Variants in SEMA3F observed in about 807,000 individuals in gnomAD.
SEMA3F encodes semaphorin-3F.
Under a neutral mutation model 98.5 loss-of-function variants are expected in SEMA3F, and 30 were observed. That is an observed-to-expected ratio of 0.30 (90% CI 0.23 to 0.41). The LOEUF (loss-of-function observed/expected upper bound fraction) is 0.41, where lower values mean the gene tolerates loss of function less well. Among genes scored for constraint, SEMA3F ranks in the 10% least tolerant of loss-of-function variants. The pLI, the probability that SEMA3F is intolerant of heterozygous loss-of-function variation, is 1.00. For synonymous variants in SEMA3F, 380 were observed against 444.8 expected (o/e 0.85, Z 1.83); for missense variants, 866 against 1,119.3 (o/e 0.77, Z 3.23).
chr3:50,179,601 G>C (rs1404245206), intron 7 of SEMA3F, among the ~76,000 whole-genome samples: 3 of 152,222 alleles, frequency 2.0e-5, no homozygotes, highest in Non-Finnish European at 4.4e-5. Flanking sequence ...GCTGGGATAA[G>C]AGGTGTAAGC....
chr3:50,183,066 A>G (rs896468042), intron 10 of SEMA3F, 48 bp downstream of exon 10: 1 of 1,585,926 alleles, frequency 6.3e-7, no homozygotes, highest in Non-Finnish European at 8.7e-7. Context: ...AGCAAGAGGG[A>G]TAGAGGCGGG....
At chr3:50,159,108 TC>T (rs1698105991) in intron 1 of SEMA3F, 1 of 153,396 alleles carries the variant, frequency 6.5e-6, no homozygotes. Context: ...ACCGTAATAA[TC>T]AGGTCCAGGT....
chr3:50,171,467 C>T (rs572258968), intron 2 of SEMA3F, among the ~76,000 whole-genome samples: 4 of 152,218 alleles, frequency 2.6e-5, no homozygotes, highest in South Asian at 4.1e-4. Context: ...CCGGAGTGCC[C>T]GTGTCTGAAG....
At chr3:50,177,092 C>A (rs906148632) in intron 7 of SEMA3F, among the ~76,000 whole-genome samples, 4 of 152,184 alleles carry the variant, frequency 2.6e-5, no homozygotes, top group African/African-American at 9.7e-5. Flanking sequence ...GATGGGGGAC[C>A]AAGGAAGCCA....
In SEMA3F at chr3:50,183,226, T is replaced by C; in HGVS notation, c.1059T>C (p.Pro353=). ...AGCAGACCCAGGACGTGAGGAACCC[T>C]GTCATTTACGCTGTCTTTACCTCCT... ...FVQQTQDVRN[P]VIYAVFTSSG... Residue 353 remains proline, a synonymous_variant, in exon 11 of 19, where the codon CCT becomes CCC. Transcript: ENST00000002829. The C allele has an allele frequency of 2.5e-6, 4 of 1,614,162 alleles. No individual in the cohort carries two copies. The highest frequency in any genetic ancestry group is 3.4e-6 in the Non-Finnish European group (4 of 1,180,030).
In SEMA3F at chr3:50,183,029, A is replaced by AGCAG. The variant is rs2109113972; in HGVS notation, c.1018+21_1018+24dup. 2 of 1,609,356 alleles carry AGCAG rather than the reference A, an allele frequency of 1.2e-6. No homozygotes were observed. Among genetic ancestry groups the AGCAG allele is most frequent in the African/African-American group, 2.7e-5 (2 of 74,996 alleles). ...ACTTTGATGAGCTCCGTGAGTGCCCAGCAGGCAGGCAGGGTGCTCTGGCTA... is the reference window on the plus strand; with the variant it reads ...ACTTTGATGAGCTCCGTGAGTGCCCAGCAGGCAGGCAGGCAGGGTGCTCTGGCTA... On this transcript the variant is annotated intron_variant, in intron 10 of 18. Coordinates refer to ENST00000002829, the MANE Select transcript of SEMA3F (RefSeq NM_004186.5).
At position 50,182,650 on chromosome 3, in the gene SEMA3F, C is replaced by T. The variant is rs776838630; in HGVS notation, c.770C>T (p.Ser257Leu). ...QYNSRWLNDP[S>L]FIHAELIPDS... ...TGACCCCTGCCACCTGCAGACCCGT[C>T]GTTCATCCATGCTGAGCTCATTCCT... Residue 257 changes from serine (S) to leucine (L), a missense_variant, in exon 9 of 19, where the codon TCG (serine) becomes TTG (leucine). This residue lies in a region of SEMA3F where 374 missense variants were observed against 582.8 expected (regional missense o/e 0.64). Transcript: ENST00000002829. This position sits in a 1 kb window ranked among gnomAD's most constrained non-coding sequence, Gnocchi z 4.5. The T allele has an allele frequency of 1.9e-6, 3 of 1,611,578 alleles. No individual in the cohort carries two copies. Among genetic ancestry groups the T allele is most frequent in the African/African-American group, 1.3e-5 (1 of 74,904 alleles).
rs776928052 is a variant in SEMA3F, at chr3:50,186,012, C to G, written c.1711C>G (p.Gln571Glu). 3.7e-6 allele frequency: 6 copies of G among 1,613,704 alleles called. No individual in the cohort carries two copies. The highest frequency in any genetic ancestry group is 5.1e-6 in the Non-Finnish European group (6 of 1,179,842). ...GGACCCTTACTGTGCCTGGGATGGC[C>G]AGGCCTGCTCCCGCTATACAGCATC... The part of the protein sequence containing the change: ...ARDPYCAWDG[Q>E]ACSRYTASSK... The change falls in exon 16 of 19, where the codon CAG becomes GAG. Residue 571 changes from glutamine (Q) to glutamate (E), a missense_variant. Physicochemically the swap from Gln to Glu is conservative, Grantham distance 29 (BLOSUM62 2). Transcript: ENST00000002829.
At chr3:50,171,503 C>T (rs937377857) in intron 2 of SEMA3F, among the ~76,000 whole-genome samples, 1 of 152,068 alleles carries the variant, frequency 6.6e-6, no homozygotes, top group Non-Finnish European at 1.5e-5. Context: ...TCTAGCCCCT[C>T]CCCCTGCCAT....
At chr3:50,171,314 A>T (rs994336942) in intron 2 of SEMA3F, among the ~76,000 whole-genome samples, 1 of 152,110 alleles carries the variant, frequency 6.6e-6, no homozygotes, top group Non-Finnish European at 1.5e-5. Context: ...GCAAGAGGGT[A>T]GGGGACTCGG....
At chr3:50,178,393 A>C (rs889540762) in intron 7 of SEMA3F, among the ~76,000 whole-genome samples, 17 of 152,142 alleles carry the variant, frequency 1.1e-4, no homozygotes, top group Admixed American at 1.1e-3. Flanking sequence ...ATATTTTGAA[A>C]GGAATCTTTT....
At chr3:50,171,283 G>A (rs549525904) in intron 2 of SEMA3F, among the ~76,000 whole-genome samples, 2 of 152,286 alleles carry the variant, frequency 1.3e-5, no homozygotes, top group South Asian at 4.1e-4. Flanking sequence ...GGGAGCTGGA[G>A]TTTGGGAGTG....
intron 2 of SEMA3F, among the ~76,000 whole-genome samples, chr3:50,161,874 G>A (rs1698222088): frequency 6.6e-6 from 1 of 152,190 alleles, no homozygotes; most frequent in African/African-American, 2.4e-5. Context: ...CACACATGAA[G>A]TGGCCCTCAG....
At chr3:50,183,962 C>T (rs1166466991) in intron 12 of SEMA3F, among the ~76,000 whole-genome samples, 2 of 152,108 alleles carry the variant, frequency 1.3e-5, no homozygotes, top group African/African-American at 2.4e-5. Context: ...AGGCATGTCA[C>T]TTTATCTTGA....
At chr3:50,187,383 A>C (rs894540730) in intron 18 of SEMA3F, among the ~76,000 whole-genome samples, 1 of 149,586 alleles carries the variant, frequency 6.7e-6, no homozygotes, top group Admixed American at 7.0e-5. Flanking sequence ...AGATCATTCA[A>C]CTGCATTCTA....
chr3:50,187,410 C>A (rs1052295099), intron 18 of SEMA3F, among the ~76,000 whole-genome samples: 1 of 130,606 alleles, frequency 7.7e-6, no homozygotes, highest in Non-Finnish European at 1.5e-5. Context: ...GCGACAGAGC[C>A]AGACCTTGTC....
intron 6 of SEMA3F, 66 bp from the exon 7 acceptor site, chr3:50,176,702 G>T (rs1559730762): frequency 8.5e-7 from 1 of 1,177,936 alleles, no homozygotes; most frequent in Non-Finnish European, 1.3e-6. Context: ...TGGGAGCCTG[G>T]TGACCCTTAC....
chr3:50,168,626 G>A (rs768492415), intron 2 of SEMA3F, among the ~76,000 whole-genome samples: 3 of 152,168 alleles, frequency 2.0e-5, no homozygotes, highest in Non-Finnish European at 4.4e-5. Flanking sequence ...CCGGCTGGCC[G>A]CTCATTAAAA....
At chr3:50,185,391 C>G in intron 13 of SEMA3F, 52 bp from the exon 14 acceptor site, 1 of 1,459,354 alleles carries the variant, frequency 6.9e-7, no homozygotes, top group South Asian at 1.2e-5. Context: ...GAGGCTGGTA[C>G]CCCTTCCCCA....
Sources: gnomAD v4.1 joint callset for allele counts (sites outside exome capture counted in the v4.1 genomes callset) on GRCh38, gnomAD v4.1.1 for gene constraint, gnomAD v4.1.1 regional missense constraint, Gnocchi (gnomAD v3.1) non-coding constraint, MANE v1.5 for transcripts, NCBI Gene and HGNC (gene_info 2026-07-23, HGNC 2026-07-21) for gene names.